KDM4C: variants seen among roughly 807,000 people sequenced by gnomAD.
KDM4C encodes lysine-specific demethylase 4C.
KDM4C carries 81 observed loss-of-function variants against 129.3 expected under a neutral mutation model. The ratio of observed to expected loss-of-function variants is 0.63; its 90% confidence interval spans 0.52 to 0.75. The LOEUF (loss-of-function observed/expected upper bound fraction) is 0.75. Ranked by LOEUF, KDM4C falls within the 30% of genes least tolerant of loss-of-function variation. KDM4C has a pLI of 0.00. For synonymous variants in KDM4C, 573 were observed against 456.1 expected (o/e 1.26, Z -3.26); for missense variants, 1,457 against 1,304.0 (o/e 1.12, Z -1.81).
intron 17 of KDM4C, among the ~76,000 whole-genome samples, chr9:7,052,902 C>T (rs11506700): frequency 0.32 from 14,157 of 44,092 alleles, 1,783 homozygotes; most frequent in South Asian, 0.41. Flanking sequence ...AGAGAGAGAG[C>T]GAGCGAGTGC....
intron 4 of KDM4C, among the ~76,000 whole-genome samples, chr9:6,815,601 A>T (rs1465138378): frequency 6.6e-6 from 1 of 152,206 alleles, no homozygotes; most frequent in Non-Finnish European, 1.5e-5. Context: ...TAGGTTCACT[A>T]GTACAGGTTA....
Position 7,077,048 on chromosome 9 carries a change from G to A in KDM4C, c.2425-26637G>A, listed in dbSNP as rs889842597. ...TTGCTGCACAACAAAGCAACTGAAC[G>A]TATTTTGAGTTTAGGTGAAAACTAT... On this transcript the variant is annotated intron_variant, in intron 17 of 21. Coordinates refer to ENST00000381309, the MANE Select transcript of KDM4C (RefSeq NM_015061.6). 14 of 985,330 alleles carry A rather than the reference G, an allele frequency of 1.4e-5. No individual in the cohort carries two copies. The African/African-American group carries it at 1.9e-4, about 14-fold the overall frequency. 61.0% of individuals were successfully genotyped at this position (985,330 alleles called of 1,614,324 possible).
intron 1 of KDM4C, among the ~76,000 whole-genome samples, chr9:6,721,692 A>C (rs1054376001): frequency 1.3e-5 from 2 of 150,606 alleles, no homozygotes; most frequent in Non-Finnish European, 3.0e-5. Context: ...GGGTTCAAGC[A>C]ATTCTCCTGC....
intron 5 of KDM4C, among the ~76,000 whole-genome samples, chr9:6,879,749 T>G (rs924507925): frequency 6.6e-6 from 1 of 152,212 alleles, no homozygotes; most frequent in Non-Finnish European, 1.5e-5. Context: ...TTACCTGCCT[T>G]GGGCCTTTGT....
intron 8 of KDM4C, among the ~76,000 whole-genome samples, chr9:6,959,295 G>C (rs1233295611): frequency 6.6e-6 from 1 of 152,202 alleles, no homozygotes; most frequent in African/African-American, 2.4e-5. Context: ...CATAGTTAGA[G>C]GAGTGGATGT....
At chr9:7,134,730 C>G (rs182885809) in intron 19 of KDM4C, among the ~76,000 whole-genome samples, 2 of 152,180 alleles carry the variant, frequency 1.3e-5, no homozygotes, top group African/African-American at 2.4e-5. Flanking sequence ...AACAATATTA[C>G]CATATTGGCT....
intron 6 of KDM4C, among the ~76,000 whole-genome samples, chr9:6,881,997 C>A (rs117806709): frequency 1.3e-5 from 2 of 152,208 alleles, no homozygotes; most frequent in African/African-American, 4.8e-5. Context: ...AATTATCACA[C>A]TTGCCTTTTA....
At chr9:6,775,407 A>G (rs1449643066) in intron 1 of KDM4C, among the ~76,000 whole-genome samples, 1 of 151,448 alleles carries the variant, frequency 6.6e-6, no homozygotes, top group Admixed American at 6.6e-5. Context: ...TCATTTCCTT[A>G]TTTTCTTGTA....
rs146833868 is a variant in KDM4C at position 6,817,763 on chromosome 9, CT to C, written c.435+3039del. 1.7e-3 allele frequency among the ~76,000 whole-genome samples: 182 copies of C among 105,082 alleles called. No individual in the cohort carries two copies. In the Middle Eastern group the frequency reaches 0.025, roughly 14 times the overall value. 68.9% of individuals were successfully genotyped at this position (105,082 alleles called of 152,430 possible). A position where few individuals can be genotyped will look rare whatever the true frequency, so the allele number is the denominator to read the frequency against. ...CATAAGGTTATCAAACAGGAATAAC[CT>C]TTTTTTTTTTTTTTTTTTTTGAGAC... is the stretch of plus-strand genomic sequence containing the variant. On this transcript the variant is annotated intron_variant, in intron 4 of 21. Transcript: ENST00000381309.
intron 8 of KDM4C, among the ~76,000 whole-genome samples, chr9:6,952,403 G>T (rs1418509515): frequency 8.3e-6 from 1 of 119,944 alleles, no homozygotes; most frequent in Non-Finnish European, 1.8e-5. Context: ...TTCACAGTGT[G>T]TATGTGTGTA....
intron 8 of KDM4C, among the ~76,000 whole-genome samples, chr9:6,974,396 G>A (rs553925422): frequency 1.2e-3 from 183 of 152,218 alleles, no homozygotes; most frequent in African/African-American, 4.2e-3. Context: ...GTCTTACTCT[G>A]TCGTCCAGGC....
intron 1 of KDM4C, among the ~76,000 whole-genome samples, chr9:6,725,869 C>T (rs1413113056): frequency 2.0e-5 from 3 of 150,110 alleles, no homozygotes; most frequent in Non-Finnish European, 4.4e-5. Context: ...GCCACCACAC[C>T]TAGCTACTTT....
At chr9:7,060,699 C>T (rs1177365503) in intron 17 of KDM4C, among the ~76,000 whole-genome samples, 1 of 152,056 alleles carries the variant, frequency 6.6e-6, no homozygotes, top group African/African-American at 2.4e-5. Flanking sequence ...CCAGGATGGT[C>T]TCAAACTCCT....
chr9:7,114,065 A>G (rs1587709803), intron 18 of KDM4C, among the ~76,000 whole-genome samples: 1 of 152,336 alleles, frequency 6.6e-6, no homozygotes, highest in Admixed American at 6.5e-5. Flanking sequence ...GCTGTTTTAT[A>G]GGTTAAAACT....
At chr9:6,835,377 T>TG (rs1212586993) in intron 4 of KDM4C, 3 of 1,103,156 alleles carry the variant, frequency 2.7e-6, no homozygotes, top group Non-Finnish European at 4.2e-6. Flanking sequence ...ACCCTAGCGT[T>TG]GCCAACAGGA....
intron 5 of KDM4C, among the ~76,000 whole-genome samples, chr9:6,864,240 T>TC (rs1362705977): frequency 6.6e-6 from 1 of 151,182 alleles, no homozygotes; most frequent in Non-Finnish European, 1.5e-5. Context: ...ACTTTATCAC[T>TC]CCTTTATGTT....
At chr9:6,790,058 T>C (rs1283446106) in intron 1 of KDM4C, among the ~76,000 whole-genome samples, 1 of 146,362 alleles carries the variant, frequency 6.8e-6, no homozygotes, top group Non-Finnish European at 1.5e-5. Context: ...TGGGATCGCC[T>C]GAGGTCAGGA....
At chr9:6,797,464 G>GT (rs760540345) in intron 2 of KDM4C, among the ~76,000 whole-genome samples, 1 of 151,890 alleles carries the variant, frequency 6.6e-6, no homozygotes, top group Non-Finnish European at 1.5e-5. Flanking sequence ...TGAGTGGAAG[G>GT]TTTGACACTT....
chr9:7,075,310 T>C (rs567186752), intron 17 of KDM4C, among the ~76,000 whole-genome samples: 1 of 152,344 alleles, frequency 6.6e-6, no homozygotes, highest in Admixed American at 6.5e-5. Context: ...TCATCTTCTA[T>C]GGTTTCATCA....
Sources: gnomAD v4.1 joint callset for allele counts (sites outside exome capture counted in the v4.1 genomes callset) on GRCh38, gnomAD v4.1.1 for gene constraint, MANE v1.5 for transcripts, NCBI Gene and HGNC (gene_info 2026-07-23, HGNC 2026-07-21) for gene names.